The following GPC5 variants were observed in gnomAD, a reference collection of about 807,000 sequenced individuals.
GPC5 encodes glypican 5, also known as glypican-5.
In GPC5, 47 loss-of-function variants were observed where a neutral mutation model predicts 53.9. The observed-to-expected ratio is 0.87, with a 90% CI of 0.69 to 1.11. GPC5 has a LOEUF of 1.11. GPC5 is among the 50% of genes most tolerant of loss of function. The pLI is 0.00. For missense variants in GPC5, 748 were observed against 713.1 expected, an observed-to-expected ratio of 1.05 and a Z score of -0.56; for synonymous variants, 286 against 263.3, an observed-to-expected ratio of 1.09 and a Z score of -0.84.
chr13:91,979,463 TA>T (rs1325641689), intron 6 of GPC5, among the ~76,000 whole-genome samples: 3 of 152,246 alleles, frequency 2.0e-5, no homozygotes, highest in African/African-American at 7.2e-5. Flanking sequence ...ATGATATTAC[TA>T]CCCTTCTAAG....
intron 5 of GPC5, among the ~76,000 whole-genome samples, chr13:91,852,284 C>T (rs1189776379): frequency 6.6e-6 from 1 of 151,840 alleles, no homozygotes; most frequent in East Asian, 1.9e-4. Flanking sequence ...CTCAAACACA[C>T]ACATTAGCCT....
chr13:92,252,388 A>T (rs2042698561), intron 7 of GPC5, among the ~76,000 whole-genome samples: 1 of 152,144 alleles, frequency 6.6e-6, no homozygotes, highest in Non-Finnish European at 1.5e-5. Context: ...CCCTGCGTAG[A>T]TGCAGTGAAA....
chr13:92,372,452 T>C (rs1226998827), intron 7 of GPC5, among the ~76,000 whole-genome samples: 1 of 152,214 alleles, frequency 6.6e-6, no homozygotes, highest in East Asian at 1.9e-4. Context: ...CCAAGCTTTT[T>C]ATACTCTTTT....
At chr13:91,638,688 A>G (rs2034344595) in intron 2 of GPC5, among the ~76,000 whole-genome samples, 2 of 152,284 alleles carry the variant, frequency 1.3e-5, no homozygotes, top group South Asian at 4.2e-4. Flanking sequence ...TTCCAAATAT[A>G]TTAGTTATTG....
chr13:92,756,507 AG>A (rs1340500333), intron 7 of GPC5, among the ~76,000 whole-genome samples: 3 of 152,104 alleles, frequency 2.0e-5, no homozygotes, highest in Non-Finnish European at 4.4e-5. Context: ...AATGAAATAA[AG>A]GGTATTCAAT....
intron 7 of GPC5, among the ~76,000 whole-genome samples, chr13:92,444,383 A>G (rs889272491): frequency 6.6e-6 from 1 of 152,174 alleles, no homozygotes; most frequent in Admixed American, 6.6e-5. Context: ...TCTGTGTGCC[A>G]GGAATTATAC....
intron 5 of GPC5, among the ~76,000 whole-genome samples, chr13:91,759,881 A>G (rs1419734829): frequency 6.6e-6 from 1 of 152,144 alleles, no homozygotes; most frequent in African/African-American, 2.4e-5. Flanking sequence ...AGGATAGGAC[A>G]TATTTTACCA....
intron 5 of GPC5, among the ~76,000 whole-genome samples, chr13:91,763,671 G>A (rs538947094): frequency 1.3e-5 from 2 of 152,146 alleles, no homozygotes; most frequent in Non-Finnish European, 2.9e-5. Context: ...CAGGATTCTT[G>A]GCTGTATAAT....
intron 7 of GPC5, among the ~76,000 whole-genome samples, chr13:92,731,942 C>T (rs186500961): frequency 9.3e-5 from 14 of 151,304 alleles, no homozygotes; most frequent in Non-Finnish European, 1.3e-4. Flanking sequence ...GAAAGAGGTG[C>T]GGGGTGATTC....
At chr13:92,588,974 G>A (rs1175811253) in intron 7 of GPC5, among the ~76,000 whole-genome samples, 1 of 152,198 alleles carries the variant, frequency 6.6e-6, no homozygotes, top group Non-Finnish European at 1.5e-5. Context: ...AAATGTGCAA[G>A]TAATGAGAGG....
At chr13:91,948,834 C>A (rs1198318880) in intron 6 of GPC5, among the ~76,000 whole-genome samples, 1 of 150,238 alleles carries the variant, frequency 6.7e-6, no homozygotes, top group Non-Finnish European at 1.5e-5. Flanking sequence ...ATTAGCCATG[C>A]AATGGCACAA....
At chr13:91,506,281 A>G in intron 2 of GPC5, among the ~76,000 whole-genome samples, 1 of 152,150 alleles carries the variant, frequency 6.6e-6, no homozygotes, top group East Asian at 1.9e-4. Context: ...TAAAACATAT[A>G]TTTAAGCATG....
chr13:92,809,288 TATAG>T (rs1489501455), intron 7 of GPC5, among the ~76,000 whole-genome samples: 3 of 152,158 alleles, frequency 2.0e-5, no homozygotes, highest in African/African-American at 7.2e-5. Flanking sequence ...CATCATTCAA[TATAG>T]ATACTTAAAA....
At chr13:91,954,907 A>G (rs1014427426) in intron 6 of GPC5, among the ~76,000 whole-genome samples, 3 of 152,030 alleles carry the variant, frequency 2.0e-5, no homozygotes, top group Admixed American at 2.0e-4. Flanking sequence ...ACTATTGGAT[A>G]TAAGCTTAAT....
chr13:92,699,001 T>C (rs1887644888), intron 7 of GPC5, among the ~76,000 whole-genome samples: 1 of 152,188 alleles, frequency 6.6e-6, no homozygotes, highest in Non-Finnish European at 1.5e-5. Flanking sequence ...GAAGAAATGG[T>C]ACCAGCTCGT....
intron 7 of GPC5, among the ~76,000 whole-genome samples, chr13:92,802,395 TTG>T (rs1041823917): frequency 4.6e-5 from 7 of 151,972 alleles, no homozygotes; most frequent in African/African-American, 1.4e-4. Flanking sequence ...GTCTTTTTTT[TTG>T]TATGTGTATT....
intron 6 of GPC5, among the ~76,000 whole-genome samples, chr13:91,992,500 C>T (rs937172250): frequency 3.3e-5 from 5 of 150,430 alleles, no homozygotes; most frequent in Admixed American, 2.0e-4. Context: ...CTCTGTCATC[C>T]AGGTTGGAGT....
intron 7 of GPC5, among the ~76,000 whole-genome samples, chr13:92,640,442 A>G (rs1885557646): frequency 6.6e-6 from 1 of 152,008 alleles, no homozygotes; most frequent in Non-Finnish European, 1.5e-5. Context: ...TTGTATTTTT[A>G]GTAGAGACGG....
intron 6 of GPC5, among the ~76,000 whole-genome samples, chr13:92,007,304 C>T (rs889634014): frequency 4.6e-5 from 7 of 152,154 alleles, no homozygotes; most frequent in African/African-American, 1.4e-4. Flanking sequence ...CTAATCATAA[C>T]AGTAGATATA....
Sources: allele counts gnomAD v4.1 joint callset (sites outside exome capture counted in the v4.1 genomes callset), GRCh38; gene constraint gnomAD v4.1.1; transcripts MANE v1.5; gene names NCBI Gene and HGNC (gene_info 2026-07-23, HGNC 2026-07-21).